The following SPINK2 variants were observed in gnomAD, a reference collection of about 807,000 sequenced individuals.
SPINK2 encodes serine protease inhibitor Kazal-type 2.
In SPINK2, 8 loss-of-function variants were observed where a neutral mutation model predicts 13.5. The observed-to-expected ratio is 0.59, with a 90% CI of 0.35 to 1.07. The LOEUF is 1.07. SPINK2 is among the 50% of genes least tolerant of loss of function. The probability of loss-of-function intolerance (pLI) is 0.02; values close to 1 mark genes in which losing one functional copy is unlikely to be tolerated. For synonymous variants in SPINK2, 76 were observed against 74.7 expected, an observed-to-expected ratio of 1.02 and a Z score of -0.09; for missense variants, 148 against 180.3, an observed-to-expected ratio of 0.82 and a Z score of 1.03.
At chr4:56,821,041 C>G (rs1018724365) in intron 1 of SPINK2, among the ~76,000 whole-genome samples, 1 of 152,262 alleles carries the variant, frequency 6.6e-6, no homozygotes, top group African/African-American at 2.4e-5. Context: ...GAGCCTCCCG[C>G]CTCAACCTCC....
At chr4:56,821,746 A>AG (rs1553895987), upstream of SPINK2, 1 of 1,238,490 alleles carries the variant, frequency 8.1e-7, no homozygotes, top group African/African-American at 1.8e-5. Flanking sequence ...GGGCGCGGGG[A>AG]GGGCGGGGGA....
chr4:56,811,568 G>T, intron 3 of SPINK2, 117 bp downstream of exon 3: 1 of 517,466 alleles, frequency 1.9e-6, no homozygotes, highest in Non-Finnish European at 3.2e-6. Context: ...AGTGAACCAA[G>T]ATTGCACCAC....
chr4:56,814,176 C>G (rs1418023090), intron 2 of SPINK2, among the ~76,000 whole-genome samples: 1 of 151,954 alleles, frequency 6.6e-6, no homozygotes, highest in Non-Finnish European at 1.5e-5. Context: ...CCAGCCTCAG[C>G]CTCTCAAAGT....
At chr4:56,815,382 A>G (rs554287246) in intron 2 of SPINK2, among the ~76,000 whole-genome samples, 165 of 152,270 alleles carry the variant, frequency 1.1e-3, no homozygotes, top group African/African-American at 3.8e-3. Flanking sequence ...AAATGCACCT[A>G]GATTGGAAAG....
At chr4:56,815,845 T>G (rs1717406033) in intron 2 of SPINK2, among the ~76,000 whole-genome samples, 1 of 151,336 alleles carries the variant, frequency 6.6e-6, no homozygotes, top group African/African-American at 2.4e-5. Flanking sequence ...GGCTCATTCC[T>G]GTAATTCCAG....
chr4:56,820,618 C>G (rs1423144958), intron 1 of SPINK2, 39 bp from the exon 2 acceptor site: 2 of 1,475,746 alleles, frequency 1.4e-6, no homozygotes, highest in African/African-American at 1.4e-5. Context: ...AGTATAGGAT[C>G]AAGGTAAGGT....
rs114591157 is a variant in SPINK2, at chr4:56,821,683, C to G, written c.-21G>C. On this transcript the variant is annotated 5_prime_UTR_variant, in exon 1 of 4. Transcript: ENST00000506738. ...GCCATCCTCCTCCCGCGCCGGCTGTCTTGCCCCTGCGGTCTGTTACCTGCG... is the reference window on the plus strand; with the variant it reads ...GCCATCCTCCTCCCGCGCCGGCTGTGTTGCCCCTGCGGTCTGTTACCTGCG... 0.088 allele frequency: 133,080 copies of G among 1,509,480 alleles called. 11,626 individuals carry two copies. Among genetic ancestry groups the G allele is most frequent in the East Asian group, 0.34 (12,726 of 37,878 alleles). 93.5% of individuals were successfully genotyped at this position (1,509,480 alleles called of 1,614,324 possible).
At chr4:56,814,777 C>T (rs1254865969) in intron 2 of SPINK2, among the ~76,000 whole-genome samples, 2 of 151,594 alleles carry the variant, frequency 1.3e-5, no homozygotes, top group African/African-American at 2.4e-5. Flanking sequence ...CTGGCTAACA[C>T]GATGAAACCC....
upstream of SPINK2, chr4:56,821,762 C>T (rs1717975460): frequency 2.4e-6 from 3 of 1,224,952 alleles, no homozygotes; most frequent in East Asian, 3.2e-5. Flanking sequence ...GGGGAAGGGG[C>T]GGGGCGAGAA....
chr4:56,811,302 C>A (rs1034767287), intron 3 of SPINK2, among the ~76,000 whole-genome samples: 4 of 152,076 alleles, frequency 2.6e-5, no homozygotes, highest in African/African-American at 9.7e-5. Context: ...GTCACTACCC[C>A]CTAAGTAATC....
chr4:56,819,554 C>T (rs1272828724), intron 2 of SPINK2, among the ~76,000 whole-genome samples: 1 of 152,068 alleles, frequency 6.6e-6, no homozygotes, highest in Non-Finnish European at 1.5e-5. Flanking sequence ...TAGTGACAGT[C>T]CAGGAAGCAA....
chr4:56,811,613 T>G, intron 3 of SPINK2, 72 bp downstream of exon 3: 1 of 995,132 alleles, frequency 1.0e-6, no homozygotes. Flanking sequence ...TGAGACTCTG[T>G]CAAAAAAAAA....
At chr4:56,813,142 G>T (rs1368869680) in intron 2 of SPINK2, among the ~76,000 whole-genome samples, 4 of 152,154 alleles carry the variant, frequency 2.6e-5, no homozygotes, top group Non-Finnish European at 5.9e-5. Flanking sequence ...GGTCAACATG[G>T]TGAAACCCCA....
intron 1 of SPINK2, 62 bp from the exon 2 acceptor site, chr4:56,820,641 G>T (rs1450954360): frequency 1.9e-5 from 20 of 1,076,348 alleles, no homozygotes; most frequent in Non-Finnish European, 2.2e-5. Context: ...TGTTCATGAA[G>T]TTTTTTTTTT....
chr4:56,818,987 A>G (rs1560417449), intron 2 of SPINK2, among the ~76,000 whole-genome samples: 1 of 152,184 alleles, frequency 6.6e-6, no homozygotes. Context: ...CAGGGTAGAG[A>G]AAAGCACTGG....
chr4:56,811,278 CATCCAAGAAA>C (rs1289537053), intron 3 of SPINK2, among the ~76,000 whole-genome samples: 2 of 152,140 alleles, frequency 1.3e-5, no homozygotes, highest in Admixed American at 1.3e-4. Flanking sequence ...TTGATTCTTA[CATCCAAGAAA>C]ATTGTCACTA....
At chr4:56,815,384 A>AT (rs566398792) in intron 2 of SPINK2, among the ~76,000 whole-genome samples, 23 of 152,266 alleles carry the variant, frequency 1.5e-4, no homozygotes, top group Admixed American at 1.4e-3. Flanking sequence ...ATGCACCTAG[A>AT]TTGGAAAGGA....
At position 56,818,489 on chromosome 4, in the gene SPINK2, C is replaced by T. The variant is rs113829440; in HGVS notation, c.249+2047G>A. On this transcript the variant is annotated intron_variant, in intron 2 of 3. Transcript: ENST00000506738. The stretch of plus-strand genomic sequence containing the variant: ...GCTTGGCCAACATGGTGAAACACTG[C>T]CTCTACCAAAAATACAAAAAAATTA... 7.4e-3 allele frequency among the ~76,000 whole-genome samples: 1,122 copies of T among 152,150 alleles called. 22 individuals carry two copies. Among genetic ancestry groups the T allele is most frequent in the African/African-American group, 0.025 (1,027 of 41,512 alleles).
In SPINK2 at chr4:56,820,469, C is replaced by T. The variant is rs1293545537; in HGVS notation, c.249+67G>A. 9.8e-6 allele frequency: 13 copies of T among 1,324,014 alleles called. No individual in the cohort carries two copies. In the Admixed American group the frequency reaches 1.4e-4, roughly 14 times the overall value. 82.0% of individuals were successfully genotyped at this position (1,324,014 alleles called of 1,614,324 possible). ...GTGGCAGGTCAGACCTGAAAGCCAG[C>T]CTCCCTCCCAAACGGTTTTGGGCTT... On this transcript the variant is annotated intron_variant, in intron 2 of 3. Transcript: ENST00000506738.
Sources: allele counts gnomAD v4.1 joint callset (sites outside exome capture counted in the v4.1 genomes callset), GRCh38; gene constraint gnomAD v4.1.1; transcripts MANE v1.5; gene names NCBI Gene and HGNC (gene_info 2026-07-23, HGNC 2026-07-21).